Variants in EXD3 observed in about 807,000 individuals in gnomAD.
EXD3 encodes the protein exonuclease 3'-5' domain containing 3.
A neutral mutation model predicts 98.0 loss-of-function variants in EXD3; 92 were observed. The observed-to-expected ratio is 0.94, with a 90% CI of 0.79 to 1.12. The LOEUF is 1.12. EXD3 is among the 50% of genes most tolerant of loss of function. The pLI is 0.00. For missense variants in EXD3, 1,222 were observed against 1,191.6 expected, an observed-to-expected ratio of 1.03 and a Z score of -0.38; for synonymous variants, 569 against 526.0, an observed-to-expected ratio of 1.08 and a Z score of -1.12.
At chr9:137,335,410 G>T (rs1833303969) in intron 17 of EXD3, among the ~76,000 whole-genome samples, 1 of 152,128 alleles carries the variant, frequency 6.6e-6, no homozygotes, top group East Asian at 1.9e-4. Flanking sequence ...ACCAGGCGTG[G>T]TGGCTCATAC....
chr9:137,412,065 C>T (rs972643110), intron 1 of EXD3, among the ~76,000 whole-genome samples: 3 of 152,200 alleles, frequency 2.0e-5, no homozygotes, highest in South Asian at 2.1e-4. Context: ...CCCACAGAGC[C>T]GGCCTTACTG....
chr9:137,327,400 T>A (rs1832480734), intron 17 of EXD3, among the ~76,000 whole-genome samples: 1 of 152,154 alleles, frequency 6.6e-6, no homozygotes, highest in African/African-American at 2.4e-5. Context: ...CCCAAAGTGC[T>A]GGGATTACAG....
chr9:137,369,000 G>T (rs1000972062), intron 5 of EXD3, among the ~76,000 whole-genome samples: 3 of 145,874 alleles, frequency 2.1e-5, no homozygotes, highest in South Asian at 2.2e-4. Context: ...GGGGCGGGGT[G>T]GGGGGGCTTC....
chr9:137,387,210 C>T (rs1338668117), intron 2 of EXD3, among the ~76,000 whole-genome samples: 1 of 151,796 alleles, frequency 6.6e-6, no homozygotes, highest in Non-Finnish European at 1.5e-5. Flanking sequence ...TGTCGCTTCA[C>T]TGTGGCCTCA....
chr9:137,316,630 G>T (rs952560187), intron 19 of EXD3, among the ~76,000 whole-genome samples: 9 of 152,230 alleles, frequency 5.9e-5, no homozygotes, highest in African/African-American at 2.2e-4. Flanking sequence ...GGACTTCCTG[G>T]AGGAAGCGAC....
intron 21 of EXD3, 151 bp downstream of exon 21, chr9:137,307,457 C>G: frequency 7.9e-7 from 1 of 1,258,884 alleles, no homozygotes; most frequent in Non-Finnish European, 1.1e-6. Context: ...TCCAGGGACC[C>G]CACCCCTCAC....
intron 3 of EXD3, among the ~76,000 whole-genome samples, chr9:137,373,925 C>T (rs1452889174): frequency 2.0e-5 from 3 of 152,368 alleles, no homozygotes; most frequent in East Asian, 1.9e-4. Context: ...GCGGCACTCG[C>T]GGGACACGGG....
chr9:137,364,773 T>TTC (rs1218302126), intron 7 of EXD3, among the ~76,000 whole-genome samples: 1 of 148,658 alleles, frequency 6.7e-6, no homozygotes. Flanking sequence ...GTTCTATGTT[T>TTC]TTTTTTTTTT....
intron 19 of EXD3, among the ~76,000 whole-genome samples, chr9:137,311,407 C>T (rs1000375459): frequency 1.3e-5 from 2 of 152,234 alleles, no homozygotes; most frequent in African/African-American, 4.8e-5. Flanking sequence ...CTGTGCAGGC[C>T]ACCTGTAGGG....
At chr9:137,379,685 C>G (rs1420023590) in intron 3 of EXD3, among the ~76,000 whole-genome samples, 1 of 151,978 alleles carries the variant, frequency 6.6e-6, no homozygotes, top group Non-Finnish European at 1.5e-5. Context: ...TTTTATATGT[C>G]GTGCATCTTA....
At chr9:137,330,332 C>G (rs1381301451) in intron 17 of EXD3, among the ~76,000 whole-genome samples, 1 of 135,720 alleles carries the variant, frequency 7.4e-6, no homozygotes, top group African/African-American at 3.0e-5. Flanking sequence ...CTACACGGGA[C>G]TACACAGGAC....
chr9:137,307,469 T>C (rs1831106157), intron 21 of EXD3, 139 bp downstream of exon 21: 1 of 1,281,542 alleles, frequency 7.8e-7, no homozygotes. Flanking sequence ...ACCCCTCACC[T>C]TGCAGGCCCT....
At chr9:137,322,949 A>C (rs373129103) in intron 19 of EXD3, among the ~76,000 whole-genome samples, 1 of 2,790 alleles carries the variant, frequency 3.6e-4, no homozygotes, top group Non-Finnish European at 6.6e-4. Context: ...CCCCGGACCC[A>C]CGAGGGATGC....
chr9:137,330,407 CCACAGGACTA>C (rs1832981044), intron 17 of EXD3, among the ~76,000 whole-genome samples: 1 of 72,100 alleles, frequency 1.4e-5, no homozygotes, highest in African/African-American at 4.9e-5. Context: ...ACACAGGGCT[CCACAGGACTA>C]CACAGGAGCT....
rs1554735470 is a variant in EXD3, at chr9:137,395,955, T to TTTCC, written c.-47-552_-47-551insGGAA. 1.4e-5 allele frequency among the ~76,000 whole-genome samples: 2 copies of TTTCC among 142,616 alleles called. No individual in the cohort carries two copies. The highest frequency in any genetic ancestry group is 3.0e-5 in the Non-Finnish European group (2 of 67,586). 93.6% of individuals were successfully genotyped at this position (142,616 alleles called of 152,430 possible). ...TCTCCCTCAGAGTGTTTTTTTTTCT[T>TTTCC]TTCTTTCTTTCTTTCTTTTTTTTTT... On this transcript the variant is annotated intron_variant, in intron 1 of 21. Coordinates refer to ENST00000340951, the MANE Select transcript of EXD3 (RefSeq NM_017820.5). The surrounding 1 kb of genome is among the most constrained non-coding windows in gnomAD (Gnocchi z 6.5).
rs1250654166 is a variant in EXD3, at chr9:137,353,436, CCCT to C, written c.871-653_871-651del. ...GCCAGGGGAGCCCCTCTGCCCCTTCCCCTCCTCCTCATTATGTGGGGTTTGGCT... is the reference window on the plus strand; with the variant it reads ...GCCAGGGGAGCCCCTCTGCCCCTTCCCCTCCTCATTATGTGGGGTTTGGCT... On this transcript the variant is annotated intron_variant, in intron 10 of 21. Transcript: ENST00000340951. 4.1e-6 allele frequency: 4 copies of C among 985,252 alleles called. No individual in the cohort carries two copies. The African/African-American group carries it at 5.2e-5, about 13-fold the overall frequency. 61.0% of individuals were successfully genotyped at this position (985,252 alleles called of 1,614,324 possible).
rs891449735 is a variant in EXD3 at position 137,324,274 on chromosome 9, C to T, written c.1999-131G>A. ...AGGCCCCTTTTGTCCTCCAGGGTGG[C>T]CTCTGCCTGGGGTCTTGGGTGGTGA... On this transcript the variant is annotated intron_variant, in intron 17 of 21. Transcript: ENST00000340951. This position sits in a 1 kb window ranked among gnomAD's most constrained non-coding sequence, Gnocchi z 4.1. 8.8e-5 allele frequency: 66 copies of T among 748,890 alleles called. No individual in the cohort carries two copies. Among genetic ancestry groups the T allele is most frequent in the Admixed American group, 1.8e-4 (7 of 38,498 alleles). The allele number at this position is 748,890 out of a possible 1,614,324, so 46.4% of individuals were successfully genotyped here. A position where few individuals can be genotyped will look rare whatever the true frequency, so the allele number is the denominator to read the frequency against.
chr9:137,366,996 G>A (rs1017053980), intron 6 of EXD3, among the ~76,000 whole-genome samples: 3 of 152,254 alleles, frequency 2.0e-5, no homozygotes, highest in Non-Finnish European at 2.9e-5. Flanking sequence ...TGCCTCCCGA[G>A]CAGGTCTGCA....
chr9:137,316,474 A>G (rs1405672265), intron 19 of EXD3, among the ~76,000 whole-genome samples: 1 of 151,888 alleles, frequency 6.6e-6, no homozygotes, highest in African/African-American at 2.4e-5. Flanking sequence ...TGCCCATTCC[A>G]ACCAATGGGG....
Sources: allele counts gnomAD v4.1 joint callset (sites outside exome capture counted in the v4.1 genomes callset), GRCh38; gene constraint gnomAD v4.1.1; non-coding constraint Gnocchi (gnomAD v3.1); transcripts MANE v1.5; gene names NCBI Gene and HGNC (gene_info 2026-07-23, HGNC 2026-07-21).